AAMDC: variants seen among roughly 807,000 people sequenced by gnomAD.
The protein encoded by AAMDC is adipogenesis associated Mth938 domain containing.
Under a neutral mutation model 15.5 loss-of-function variants are expected in AAMDC, and 16 were observed. The ratio of observed to expected loss-of-function variants is 1.03; its 90% confidence interval spans 0.70 to 1.57. The LOEUF is 1.57. Among genes scored for constraint, AAMDC ranks in the 40% most tolerant of loss-of-function variants. The pLI is 0.00. For synonymous variants in AAMDC, 51 were observed against 51.6 expected (o/e 0.99, Z 0.05); for missense variants, 141 against 144.9 (o/e 0.97, Z 0.14).
chr11:77,871,493 G>A (rs1346822150), intron 3 of AAMDC, among the ~76,000 whole-genome samples: 1 of 152,198 alleles, frequency 6.6e-6, no homozygotes, highest in African/African-American at 2.4e-5. Context: ...TAAACGCAGT[G>A]AGGAAAATGG....
At position 77,842,471 on chromosome 11, in the gene AAMDC, A is replaced by G. The variant is rs754776983; in HGVS notation, c.-18-8A>G. Reference sequence around the variant, plus strand: ...AACTGATTTAGTATATTTTTCTTTTAATTTCAGACTTCAGTGAAGTTCCTT... The same window carrying G: ...AACTGATTTAGTATATTTTTCTTTTGATTTCAGACTTCAGTGAAGTTCCTT... On this transcript the variant is annotated splice_region_variant and splice_polypyrimidine_tract_variant and intron_variant, in intron 1 of 3. Transcript: ENST00000393427. 7.5e-5 allele frequency: 120 copies of G among 1,607,318 alleles called. 3 individuals carry two copies. The South Asian group carries it at 1.3e-3, about 17-fold the overall frequency.
intron 5 of AAMDC, among the ~76,000 whole-genome samples, chr11:77,896,473 A>G (rs1952523569): frequency 6.6e-6 from 1 of 151,988 alleles, no homozygotes; most frequent in African/African-American, 2.4e-5. Context: ...CCAAACATGG[A>G]GAAACCCTGT....
At chr11:77,832,951 A>ATGTGTGTGTGTGTG (rs146936151) in intron 1 of AAMDC, among the ~76,000 whole-genome samples, 1 of 68,418 alleles carries the variant, frequency 1.5e-5, no homozygotes, top group Admixed American at 1.9e-4. Context: ...GTATATATAT[A>ATGTGTGTGTGTGTG]TGTGTGTGTG....
At chr11:77,851,146 G>C (rs1950364751) in intron 2 of AAMDC, 1 of 151,966 alleles carries the variant, frequency 6.6e-6, no homozygotes, top group Non-Finnish European at 1.5e-5. Context: ...GTAGAGACAG[G>C]GTTTCACCAT....
downstream of AAMDC, among the ~76,000 whole-genome samples, chr11:77,905,606 C>T (rs190478211): frequency 2.2e-3 from 334 of 152,282 alleles, no homozygotes; most frequent in African/African-American, 6.9e-3. Flanking sequence ...GAAACTTCCT[C>T]GATAAATGAG....
intron 2 of AAMDC, among the ~76,000 whole-genome samples, chr11:77,865,694 G>A (rs1221527374): frequency 6.6e-6 from 1 of 152,220 alleles, no homozygotes; most frequent in Non-Finnish European, 1.5e-5. Context: ...AAGTTGGCTA[G>A]CAGACTTTTG....
At chr11:77,840,208 A>AACTTTC (rs1285475663) in intron 1 of AAMDC, among the ~76,000 whole-genome samples, 1 of 152,146 alleles carries the variant, frequency 6.6e-6, no homozygotes, top group East Asian at 1.9e-4. Flanking sequence ...GGAGCAAGGA[A>AACTTTC]ACTTTCACTT....
chr11:77,830,635 C>A (rs1343263332), intron 1 of AAMDC, among the ~76,000 whole-genome samples: 1 of 151,974 alleles, frequency 6.6e-6, no homozygotes, highest in Non-Finnish European at 1.5e-5. Context: ...CGCGTTTGCC[C>A]CCCTTTATTC....
chr11:77,870,011 CAG>C, intron 3 of AAMDC, 194 bp downstream of exon 3: 1 of 432,042 alleles, frequency 2.3e-6, no homozygotes, highest in Non-Finnish European at 4.2e-6. Flanking sequence ...AACCCTGAGA[CAG>C]TGTCATTTCA....
chr11:77,833,011 T>TATA (rs1565197568), intron 1 of AAMDC, among the ~76,000 whole-genome samples: 9 of 96,726 alleles, frequency 9.3e-5, no homozygotes, highest in African/African-American at 3.0e-4. Flanking sequence ...ATATATATAT[T>TATA]TTTTTTTTTT....
At chr11:77,862,414 T>A (rs574255481) in intron 2 of AAMDC, among the ~76,000 whole-genome samples, 153 of 152,296 alleles carry the variant, frequency 1.0e-3, no homozygotes, top group Non-Finnish European at 1.5e-3. Flanking sequence ...TTTACCTAGG[T>A]CTATTTTAAT....
chr11:77,874,226 G>A (rs1397894381), downstream of AAMDC, among the ~76,000 whole-genome samples: 1 of 152,202 alleles, frequency 6.6e-6, no homozygotes, highest in African/African-American at 2.4e-5. Context: ...GTCTCGGAAG[G>A]ATCTGCTTGG....
intron 2 of AAMDC, among the ~76,000 whole-genome samples, chr11:77,853,970 C>A (rs1162407341): frequency 6.8e-6 from 1 of 147,344 alleles, no homozygotes; most frequent in African/African-American, 2.5e-5. Flanking sequence ...TACAACCATG[C>A]CTTCCCAACA....
At chr11:77,823,621 C>A (rs867183063) in intron 1 of AAMDC, among the ~76,000 whole-genome samples, 295 of 97,356 alleles carry the variant, frequency 3.0e-3, no homozygotes, top group East Asian at 6.7e-3. Context: ...CACCCTGTCT[C>A]AAAAAAAAAA....
intron 5 of AAMDC, among the ~76,000 whole-genome samples, chr11:77,890,521 T>C (rs1394465445): frequency 6.6e-6 from 1 of 151,900 alleles, no homozygotes; most frequent in African/African-American, 2.4e-5. Context: ...TAGCCCTGCA[T>C]GTGGTAGAGG....
intron 2 of AAMDC, among the ~76,000 whole-genome samples, chr11:77,859,673 C>A (rs1950792215): frequency 6.6e-6 from 1 of 152,198 alleles, no homozygotes; most frequent in East Asian, 1.9e-4. Flanking sequence ...TACAAAGGAA[C>A]TTCCATCAGT....
intron 2 of AAMDC, among the ~76,000 whole-genome samples, chr11:77,851,776 G>A (rs537818178): frequency 6.6e-6 from 1 of 152,178 alleles, no homozygotes; most frequent in Admixed American, 6.5e-5. Flanking sequence ...CAGAAGTCAA[G>A]CAGATGCTGG....
intron 1 of AAMDC, among the ~76,000 whole-genome samples, chr11:77,834,318 A>T (rs7932547): frequency 0.34 from 52,243 of 152,030 alleles, 9,170 homozygotes; most frequent in East Asian, 0.46. Flanking sequence ...CAAAGTTTCT[A>T]CAGAAGTAAA....
At chr11:77,905,710 G>A (rs1952930628), downstream of AAMDC, among the ~76,000 whole-genome samples, 1 of 152,226 alleles carries the variant, frequency 6.6e-6, no homozygotes, top group South Asian at 2.1e-4. Context: ...ACCCAGCACA[G>A]TTTCCATCAA....
Sources: allele counts gnomAD v4.1 joint callset (sites outside exome capture counted in the v4.1 genomes callset), GRCh38; gene constraint gnomAD v4.1.1; transcripts MANE v1.5; gene names NCBI Gene and HGNC (gene_info 2026-07-23, HGNC 2026-07-21).